LCOR: variants seen among roughly 807,000 people sequenced by gnomAD.
LCOR encodes ligand-dependent corepressor.
In LCOR, 14 loss-of-function variants were observed where a neutral mutation model predicts 64.4. That is an observed-to-expected ratio of 0.22 (90% CI 0.14 to 0.34). LCOR has a LOEUF of 0.34. LCOR is among the 10% of genes least tolerant of loss of function. LCOR has a pLI of 1.00. For synonymous variants in LCOR, 643 were observed against 642.5 expected (o/e 1.00, Z -0.01); for missense variants, 1,686 against 1,765.3 (o/e 0.96, Z 0.80).
chr10:96,941,010 CCGGG>C (rs1847451612), intron 4 of LCOR, among the ~76,000 whole-genome samples: 1 of 129,872 alleles, frequency 7.7e-6, no homozygotes, highest in African/African-American at 3.2e-5. Context: ...GGGCGGCCGG[CCGGG>C]CGGGGGGCTG....
intron 4 of LCOR, among the ~76,000 whole-genome samples, chr10:96,938,475 C>T (rs1288847364): frequency 1.3e-5 from 2 of 151,644 alleles, no homozygotes; most frequent in Non-Finnish European, 2.9e-5. Context: ...AGATCAGAAA[C>T]AAGGCAGGAT....
At chr10:96,974,934 C>G (rs1013298003) in intron 7 of LCOR, among the ~76,000 whole-genome samples, 1 of 152,120 alleles carries the variant, frequency 6.6e-6, no homozygotes, top group Non-Finnish European at 1.5e-5. Context: ...TTTGGGAAGC[C>G]GAGGCTGGTG....
chr10:96,968,063 T>C (rs1411066848), intron 7 of LCOR, among the ~76,000 whole-genome samples: 2 of 152,198 alleles, frequency 1.3e-5, no homozygotes, highest in Non-Finnish European at 2.9e-5. Context: ...GGGTTTTTTA[T>C]TATGGTTAAA....
chr10:96,953,066 TAGA>T (rs1247259981), intron 7 of LCOR, among the ~76,000 whole-genome samples: 3 of 152,190 alleles, frequency 2.0e-5, no homozygotes, highest in Non-Finnish European at 2.9e-5. Flanking sequence ...TACCTTCAAA[TAGA>T]AGGATTCCTT....
intron 7 of LCOR, among the ~76,000 whole-genome samples, chr10:96,975,702 T>TA (rs1046538947): frequency 2.0e-5 from 3 of 151,702 alleles, no homozygotes; most frequent in African/African-American, 7.3e-5. Flanking sequence ...CAATACAAGA[T>TA]AAAAATTATA....
At chr10:96,955,476 A>G (rs761199719) in intron 7 of LCOR, 5 of 1,614,068 alleles carry the variant, frequency 3.1e-6, no homozygotes, top group Non-Finnish European at 1.7e-6. Flanking sequence ...ACAAACGGAG[A>G]GCGCGCTTAG....
At chr10:96,938,956 T>C (rs1400015949) in intron 4 of LCOR, among the ~76,000 whole-genome samples, 1 of 152,266 alleles carries the variant, frequency 6.6e-6, no homozygotes, top group African/African-American at 2.4e-5. Flanking sequence ...GCTGATTCAG[T>C]GCATTTTCTA....
At chr10:96,915,885 C>T (rs575185416) in intron 4 of LCOR, 7 of 456,444 alleles carry the variant, frequency 1.5e-5, no homozygotes, top group East Asian at 1.0e-4. Flanking sequence ...GCATCCCCTT[C>T]AGCCTTTCTC....
At position 96,983,017 on chromosome 10, in the gene LCOR, G is replaced by A; in HGVS notation, c.2557G>A (p.Ala853Thr). The change falls in exon 8 of 8, where the codon GCA becomes ACA. Residue 853 changes from alanine (A) to threonine (T), a missense_variant. Physicochemically the swap from Ala to Thr is moderately conservative, Grantham distance 58. Transcript: ENST00000421806. This position sits in a 1 kb window ranked among gnomAD's most constrained non-coding sequence, Gnocchi z 4.5. Reference protein sequence around the residue: ...LEIKVPKNPSAKRSKKEGHPG... With the variant: ...LEIKVPKNPSTKRSKKEGHPG... ...AATCAAAGTTCCTAAAAATCCTAGT[G>A]CAAAACGTTCAAAAAAAGAAGGGCA... 3 of 1,613,810 alleles carry A rather than the reference G, an allele frequency of 1.9e-6. No individual in the cohort carries two copies. The South Asian group carries it at 3.3e-5, about 18-fold the overall frequency.
At chr10:96,966,335 TCTC>T (rs1255346166) in intron 7 of LCOR, among the ~76,000 whole-genome samples, 1 of 150,008 alleles carries the variant, frequency 6.7e-6, no homozygotes, top group African/African-American at 2.5e-5. Context: ...TTCATGCCAT[TCTC>T]CTGCCTCAGC....
chr10:96,939,695 G>A (rs1324485803), intron 4 of LCOR, among the ~76,000 whole-genome samples: 1 of 152,202 alleles, frequency 6.6e-6, no homozygotes, highest in Non-Finnish European at 1.5e-5. Flanking sequence ...CCGGGCGCGG[G>A]GCCCACGCCT....
At chr10:96,869,779 T>C (rs113704884) in intron 2 of LCOR, among the ~76,000 whole-genome samples, 13 of 151,884 alleles carry the variant, frequency 8.6e-5, no homozygotes, top group African/African-American at 3.1e-4. Context: ...TTCTCCATGT[T>C]GGTCAGGCTG....
At chr10:96,976,361 T>C (rs752781609) in intron 7 of LCOR, among the ~76,000 whole-genome samples, 2 of 152,198 alleles carry the variant, frequency 1.3e-5, no homozygotes, top group East Asian at 1.9e-4. Flanking sequence ...AGTATCCACA[T>C]GCTGTATTAC....
At chr10:96,841,610 C>T (rs1192494542) in intron 2 of LCOR, among the ~76,000 whole-genome samples, 2 of 152,254 alleles carry the variant, frequency 1.3e-5, no homozygotes, top group South Asian at 4.2e-4. Context: ...ATCTGCCCAC[C>T]TTGGCCTCCC....
At chr10:96,956,348 C>T in intron 7 of LCOR, 3 of 987,506 alleles carry the variant, frequency 3.0e-6, no homozygotes, top group Non-Finnish European at 3.6e-6. Flanking sequence ...AGCTTTATCA[C>T]TGCAAATTGG....
intron 4 of LCOR, among the ~76,000 whole-genome samples, chr10:96,926,743 T>C (rs1050098019): frequency 6.6e-6 from 1 of 152,216 alleles, no homozygotes; most frequent in African/African-American, 2.4e-5. Flanking sequence ...TGCACAATTA[T>C]GAGTTTTACC....
chr10:96,889,283 T>G (rs535009150), intron 2 of LCOR, among the ~76,000 whole-genome samples: 17 of 152,332 alleles, frequency 1.1e-4, no homozygotes, highest in African/African-American at 4.1e-4. Context: ...ATTTTTGAAG[T>G]TCATCCATGT....
chr10:96,846,156 G>A (rs1330963080), intron 2 of LCOR, among the ~76,000 whole-genome samples: 2 of 151,988 alleles, frequency 1.3e-5, no homozygotes, highest in Admixed American at 6.5e-5. Context: ...GCAGTGAGCC[G>A]AGATTGCACC....
At chr10:96,920,096 T>A (rs1441344872) in intron 4 of LCOR, among the ~76,000 whole-genome samples, 1 of 152,182 alleles carries the variant, frequency 6.6e-6, no homozygotes, top group African/African-American at 2.4e-5. Flanking sequence ...TGCATCATTT[T>A]ACAGTGCTAC....
Sources: allele counts gnomAD v4.1 joint callset (sites outside exome capture counted in the v4.1 genomes callset), GRCh38; gene constraint gnomAD v4.1.1; non-coding constraint Gnocchi (gnomAD v3.1); transcripts MANE v1.5; gene names NCBI Gene and HGNC (gene_info 2026-07-23, HGNC 2026-07-21).